The following DNAJA4 variants were observed in gnomAD, a reference collection of about 807,000 sequenced individuals.
The protein encoded by DNAJA4 is DnaJ heat shock protein family (Hsp40) member A4.
A neutral mutation model predicts 39.7 loss-of-function variants in DNAJA4; 32 were observed. The observed-to-expected ratio is 0.81, with a 90% CI of 0.61 to 1.08. The LOEUF (loss-of-function observed/expected upper bound fraction) is 1.08, where lower values mean the gene tolerates loss of function less well. DNAJA4 is among the 50% of genes least tolerant of loss of function. The pLI is 0.00. For missense variants in DNAJA4, 439 were observed against 505.1 expected (o/e 0.87, Z 1.25); for synonymous variants, 184 against 182.4 (o/e 1.01, Z -0.07).
In DNAJA4 at chr15:78,280,735, G is replaced by T; in HGVS notation, c.*275G>T. 2.8e-6 allele frequency: 1 copy of T among 356,472 alleles called. No individual in the cohort carries two copies. The allele number at this position is 356,472 out of a possible 1,614,324, so 22.1% of individuals were successfully genotyped here. ...CAGGATATACTTTTGAGATGTCAGT[G>T]ATTGCACCAATACTTTGTGCTTCTA... On this transcript the variant is annotated 3_prime_UTR_variant, in exon 7 of 7. Coordinates refer to ENST00000394852, the MANE Select transcript of DNAJA4 (RefSeq NM_001130182.2).
intron 6 of DNAJA4, 43 bp downstream of exon 6, chr15:78,280,188 G>T (rs1420465094): frequency 6.2e-7 from 1 of 1,610,382 alleles, no homozygotes; most frequent in Non-Finnish European, 8.5e-7. Context: ...ATTATTAAAT[G>T]CCTTAATTGG....
intron 1 of DNAJA4, chr15:78,265,972 A>G: frequency 3.4e-6 from 2 of 586,640 alleles, no homozygotes; most frequent in Non-Finnish European, 6.0e-6. Flanking sequence ...GGCAACAGTG[A>G]TGGAATATTT....
chr15:78,271,709 C>G (rs2049304261), intron 2 of DNAJA4, among the ~76,000 whole-genome samples: 2 of 152,212 alleles, frequency 1.3e-5, no homozygotes, highest in South Asian at 4.1e-4. Context: ...AGGCTACGGG[C>G]TGTCACCTCT....
chr15:78,276,643 G>A lies in DNAJA4; in HGVS notation c.877+915G>A, dbSNP rs537881097. Among the ~76,000 whole-genome samples, 12 of 152,380 alleles carry A rather than the reference G, an allele frequency of 7.9e-5. No individual in the cohort carries two copies. In the South Asian group the frequency reaches 2.3e-3, roughly 29 times the overall value. On this transcript the variant is annotated intron_variant, in intron 5 of 6. Coordinates refer to ENST00000394852, the MANE Select transcript of DNAJA4 (RefSeq NM_001130182.2). ...TGGGTGTGGTGGCGGCTACGCCACC[G>A]AAGCAGCCTGGGCCCCAGCACCAGC...
chr15:78,269,085 C>T (rs4887026), intron 1 of DNAJA4, among the ~76,000 whole-genome samples: 52,901 of 152,006 alleles, frequency 0.35, 9,436 homozygotes, highest in Non-Finnish European at 0.4. Flanking sequence ...CTGAAACTGG[C>T]ATAGAATTGG....
chr15:78,271,314 A>C (rs905019038), intron 2 of DNAJA4, among the ~76,000 whole-genome samples: 7 of 151,994 alleles, frequency 4.6e-5, no homozygotes, highest in Non-Finnish European at 8.8e-5. Flanking sequence ...GATGTAGATG[A>C]CGCCGCCTGT....
chr15:78,272,989 G>A, intron 2 of DNAJA4, 106 bp from the exon 3 acceptor site: 1 of 726,440 alleles, frequency 1.4e-6, no homozygotes, highest in Admixed American at 2.3e-5. Context: ...CCCAGCCACA[G>A]TCTTGAGTCT....
chr15:78,274,621 G>A (rs1312989553), intron 4 of DNAJA4, 197 bp downstream of exon 4: 2 of 605,724 alleles, frequency 3.3e-6, no homozygotes, highest in East Asian at 5.7e-5. Context: ...CTGCCAAAGT[G>A]TTCTTGCTGA....
At chr15:78,276,926 C>T (rs374342634) in intron 5 of DNAJA4, among the ~76,000 whole-genome samples, 73 of 152,320 alleles carry the variant, frequency 4.8e-4, no homozygotes, top group Admixed American at 1.9e-3. Flanking sequence ...CAGCCTTGTG[C>T]TCTTTTTCTC....
chr15:78,270,675 GA>G lies in DNAJA4; in HGVS notation c.312del (p.Gly105AlafsTer10). The G allele has an allele frequency of 6.2e-7, 1 of 1,612,432 alleles. No individual in the cohort carries two copies. Among genetic ancestry groups the G allele is most frequent in the Non-Finnish European group, 8.5e-7 (1 of 1,179,410 alleles). ...GGGGRMARER[R>X]GKNVVHQLSV... is the part of the protein sequence containing the mutation. ...GGTGGACGGATGGCTAGAGAGAGAA[GA>G]GGTAAATGCTTTTAAAGAAACATAA... On this transcript the variant is annotated frameshift_variant and splice_region_variant, in exon 2 of 7. Transcript: ENST00000394852. LOFTEE classifies it high-confidence loss of function.
At chr15:78,272,047 C>T (rs1368747443) in intron 2 of DNAJA4, among the ~76,000 whole-genome samples, 4 of 152,196 alleles carry the variant, frequency 2.6e-5, no homozygotes, top group African/African-American at 7.2e-5. Context: ...AGCATATCGC[C>T]TGCTCCTATA....
chr15:78,264,819 C>A lies in DNAJA4; in HGVS notation c.56C>A (p.Pro19Gln), dbSNP rs144693168. The change falls in exon 1 of 7, where the codon CCG (proline) becomes CAG (glutamine). Residue 19 changes from proline to glutamine, a missense_variant. Physicochemically the swap from Pro to Gln is moderately conservative, Grantham distance 76. Coordinates refer to ENST00000394852, the MANE Select transcript of DNAJA4 (RefSeq NM_001130182.2). ...DILGVKPSAS[P>Q]EEIKKAYRKL... ...CTGGGCGTGAAGCCCAGCGCGTCCC[C>A]GGAGGAGATCAAGAAGGCCTATCGG... 2.5e-6 allele frequency: 4 copies of A among 1,610,892 alleles called. No individual in the cohort carries two copies. The African/African-American group carries it at 5.4e-5, about 22-fold the overall frequency.
chr15:78,268,272 C>T (rs2049198133), intron 1 of DNAJA4, among the ~76,000 whole-genome samples: 1 of 152,160 alleles, frequency 6.6e-6, no homozygotes, highest in Non-Finnish European at 1.5e-5. Flanking sequence ...TGATCTGTAC[C>T]AGGCACCCAA....
rs566362283 is a variant in DNAJA4, at chr15:78,274,348, C to T, written c.570C>T (p.Pro190=). Residue 190 remains proline (P), a synonymous_variant, in exon 4 of 7, where the codon CCC becomes CCT. Coordinates refer to ENST00000394852, the MANE Select transcript of DNAJA4 (RefSeq NM_001130182.2). ...ECKGQGERIN[P]KDRCESCSGA... ...AGGGCCAGGGTGAGCGCATCAACCC[C>T]AAGGACCGCTGCGAGAGCTGCAGCG... 3.7e-6 allele frequency: 6 copies of T among 1,614,176 alleles called. No homozygotes were observed. In the South Asian group the frequency reaches 5.5e-5, roughly 15 times the overall value.
chr15:78,268,147 A>C (rs2049194797), intron 1 of DNAJA4, among the ~76,000 whole-genome samples: 2 of 152,166 alleles, frequency 1.3e-5, no homozygotes, highest in Admixed American at 1.3e-4. Flanking sequence ...ACATGTGAGT[A>C]TCCAGGGTAT....
intron 5 of DNAJA4, chr15:78,277,707 T>C (rs2049510190): frequency 6.3e-6 from 2 of 317,918 alleles, no homozygotes; most frequent in Non-Finnish European, 1.2e-5. Flanking sequence ...TTTGAGGTCC[T>C]GGGCCCCACC....
chr15:78,272,973 G>A (rs1376481733), intron 2 of DNAJA4, 122 bp from the exon 3 acceptor site: 9 of 680,472 alleles, frequency 1.3e-5, no homozygotes, highest in African/African-American at 7.3e-5. Context: ...GGAAGGGAGC[G>A]CATGACCCAG....
chr15:78,268,326 TA>T (rs2049199294), intron 1 of DNAJA4, among the ~76,000 whole-genome samples: 1 of 152,214 alleles, frequency 6.6e-6, no homozygotes, highest in Non-Finnish European at 1.5e-5. Context: ...AAAGGGATAG[TA>T]GTGAATGGTA....
intron 1 of DNAJA4, chr15:78,266,376 C>A: frequency 8.0e-7 from 1 of 1,256,048 alleles, no homozygotes; most frequent in Non-Finnish European, 1.1e-6. Flanking sequence ...TTAGACTTGA[C>A]CTGTACTACA....
Sources: gnomAD v4.1 joint callset for allele counts (sites outside exome capture counted in the v4.1 genomes callset) on GRCh38, gnomAD v4.1.1 for gene constraint, MANE v1.5 for transcripts, NCBI Gene and HGNC (gene_info 2026-07-23, HGNC 2026-07-21) for gene names.